Variants in GRAMD1B observed in about 807,000 individuals in gnomAD.
GRAMD1B encodes protein Aster-B.
A neutral mutation model predicts 99.7 loss-of-function variants in GRAMD1B; 37 were observed. That is an observed-to-expected ratio of 0.37 (90% CI 0.29 to 0.49). The LOEUF (loss-of-function observed/expected upper bound fraction) is 0.49, where lower values mean the gene tolerates loss of function less well. Ranked by LOEUF, GRAMD1B falls within the 20% of genes least tolerant of loss-of-function variation. The probability of loss-of-function intolerance (pLI) is 0.98; values close to 1 mark genes in which losing one functional copy is unlikely to be tolerated. For missense variants in GRAMD1B, 888 were observed against 1,009.2 expected (o/e 0.88, Z 1.63); for synonymous variants, 427 against 387.6 (o/e 1.10, Z -1.19).
At chr11:123,421,704 T>C (rs1948442361) in intron 1 of GRAMD1B, among the ~76,000 whole-genome samples, 1 of 152,230 alleles carries the variant, frequency 6.6e-6, no homozygotes, top group Non-Finnish European at 1.5e-5. Flanking sequence ...TCTGCTTACA[T>C]CCAGGGAGTG....
intron 1 of GRAMD1B, among the ~76,000 whole-genome samples, chr11:123,386,773 A>G (rs1456025400): frequency 6.6e-6 from 1 of 152,190 alleles, no homozygotes; most frequent in East Asian, 1.9e-4. Flanking sequence ...TTCCTTAAAA[A>G]ACAGAAAGCT....
chr11:123,558,469 T>C (rs979264981), intron 2 of GRAMD1B, among the ~76,000 whole-genome samples: 1 of 152,206 alleles, frequency 6.6e-6, no homozygotes, highest in African/African-American at 2.4e-5. Flanking sequence ...TCTCGGGTGC[T>C]TTCACATGCT....
intron 2 of GRAMD1B, chr11:123,560,185 G>A (rs942559958): frequency 1.7e-4 from 176 of 1,024,876 alleles, no homozygotes; most frequent in Non-Finnish European, 1.9e-4. Context: ...GTGTGTGCGT[G>A]TGTGCGCGTG....
chr11:123,443,379 G>A (rs897220072), intron 1 of GRAMD1B, among the ~76,000 whole-genome samples: 12 of 152,160 alleles, frequency 7.9e-5, no homozygotes, highest in African/African-American at 2.7e-4. Flanking sequence ...ACAGTCCAAG[G>A]CATCAAGAGG....
intron 2 of GRAMD1B, chr11:123,560,374 A>G: frequency 8.5e-7 from 1 of 1,177,134 alleles, no homozygotes; most frequent in Non-Finnish European, 1.1e-6. Flanking sequence ...TAACAGCAGC[A>G]GAGGGAGGTG....
At chr11:123,418,271 C>A (rs1244288770) in intron 1 of GRAMD1B, among the ~76,000 whole-genome samples, 1 of 152,174 alleles carries the variant, frequency 6.6e-6, no homozygotes, top group South Asian at 2.1e-4. Context: ...CACGAGAACA[C>A]AAGTCTGTCA....
At chr11:123,469,094 G>A (rs1436961648) in intron 1 of GRAMD1B, among the ~76,000 whole-genome samples, 1 of 151,996 alleles carries the variant, frequency 6.6e-6, no homozygotes, top group Non-Finnish European at 1.5e-5. Context: ...GCTCTACCAG[G>A]CCAGTAGAAA....
intron 17 of GRAMD1B, among the ~76,000 whole-genome samples, chr11:123,617,783 A>G (rs942350209): frequency 3.3e-5 from 5 of 152,198 alleles, no homozygotes; most frequent in African/African-American, 1.2e-4. Flanking sequence ...TCTTCATCCT[A>G]TGAGCTTGTT....
intron 1 of GRAMD1B, among the ~76,000 whole-genome samples, chr11:123,387,506 G>A (rs902978901): frequency 1.9e-4 from 29 of 152,120 alleles, no homozygotes; most frequent in African/African-American, 6.8e-4. Context: ...ATTGCAGGGA[G>A]AGTGGGCTCT....
At chr11:123,588,427 C>T (rs59967984) in intron 4 of GRAMD1B, among the ~76,000 whole-genome samples, 19 of 152,158 alleles carry the variant, frequency 1.2e-4, no homozygotes, top group Non-Finnish European at 1.9e-4. Context: ...TCTCACAGGG[C>T]GTATCCTGTC....
intron 2 of GRAMD1B, among the ~76,000 whole-genome samples, chr11:123,509,705 C>A (rs184407341): frequency 2.0e-5 from 3 of 152,348 alleles, no homozygotes; most frequent in East Asian, 1.9e-4. Context: ...TACTCTGATC[C>A]CCTTCCTCAG....
At chr11:123,609,942 G>T (rs1159959034) in intron 13 of GRAMD1B, 29 bp downstream of exon 13, 1 of 1,260,816 alleles carries the variant, frequency 7.9e-7, no homozygotes, top group Non-Finnish European at 1.1e-6. Context: ...GCACAGAAGA[G>T]CGAGCTGGAA....
rs959226206 is a variant in GRAMD1B at position 123,558,816 on chromosome 11, C to T, written c.453-18551C>T. On this transcript the variant is annotated intron_variant, in intron 2 of 19. Coordinates refer to ENST00000635736, the MANE Select transcript of GRAMD1B (RefSeq NM_001387025.1). ...AACTATCTGCTTCCCGGATACTGTG[C>T]GGCTGCTGTTCTATCAACGGGCTGC... 4.6e-5 allele frequency among the ~76,000 whole-genome samples: 7 copies of T among 152,178 alleles called. No homozygotes were observed. The South Asian group carries it at 8.3e-4, about 18-fold the overall frequency.
chr11:123,377,921 G>T (rs942531545), intron 1 of GRAMD1B, among the ~76,000 whole-genome samples: 2 of 152,216 alleles, frequency 1.3e-5, no homozygotes, highest in African/African-American at 2.4e-5. Context: ...CAGTGGCTCT[G>T]CCACCTTCTA....
chr11:123,562,098 C>G (rs1946834357), intron 2 of GRAMD1B, among the ~76,000 whole-genome samples: 1 of 152,146 alleles, frequency 6.6e-6, no homozygotes, highest in African/African-American at 2.4e-5. Context: ...GCCTGTAATC[C>G]CAGCACTTCG....
intron 1 of GRAMD1B, among the ~76,000 whole-genome samples, chr11:123,453,163 A>T (rs534584679): frequency 6.6e-6 from 1 of 152,312 alleles, no homozygotes; most frequent in Non-Finnish European, 1.5e-5. Context: ...AACAATTGTC[A>T]GTGTGCAAAT....
chr11:123,566,614 A>AAATTAGCCACT (rs1245390100), intron 2 of GRAMD1B, among the ~76,000 whole-genome samples: 1 of 152,122 alleles, frequency 6.6e-6, no homozygotes, highest in Admixed American at 6.5e-5. Flanking sequence ...AAAATACAAA[A>AAATTAGCCACT]AATTAGCCAC....
chr11:123,540,602 GT>G (rs5795377), intron 2 of GRAMD1B, among the ~76,000 whole-genome samples: 138,176 of 151,084 alleles, frequency 0.91, 63,015 homozygotes, highest in East Asian at 1. Context: ...TTTGACTGTT[GT>G]TTTTTTTTTA....
At chr11:123,411,004 A>C (rs983055469) in intron 1 of GRAMD1B, among the ~76,000 whole-genome samples, 2 of 151,352 alleles carry the variant, frequency 1.3e-5, no homozygotes, top group Non-Finnish European at 2.9e-5. Context: ...TGAATAACTT[A>C]TCTTCTTTTT....
Sources: gnomAD v4.1 joint callset for allele counts (sites outside exome capture counted in the v4.1 genomes callset) on GRCh38, gnomAD v4.1.1 for gene constraint, MANE v1.5 for transcripts, NCBI Gene and HGNC (gene_info 2026-07-23, HGNC 2026-07-21) for gene names.